Variants in ANKH observed in about 807,000 individuals in gnomAD.
ANKH encodes mineralization regulator ANKH.
A neutral mutation model predicts 49.0 loss-of-function variants in ANKH; 15 were observed. That is an observed-to-expected ratio of 0.31 (90% confidence interval 0.20 to 0.47). The LOEUF (loss-of-function observed/expected upper bound fraction) is 0.47. ANKH is among the 20% of genes least tolerant of loss of function. The probability of loss-of-function intolerance (pLI) is 1.00; values close to 1 mark genes in which losing one functional copy is unlikely to be tolerated. For missense variants in ANKH, 429 were observed against 652.0 expected (o/e 0.66, Z 3.72); for synonymous variants, 273 against 260.0 (o/e 1.05, Z -0.48).
rs7700624 is a variant in ANKH at position 14,831,313 on chromosome 5, T to C, written c.96+40039A>G. Among the ~76,000 whole-genome samples, 1,504 of 152,274 alleles carry C rather than the reference T, an allele frequency of 9.9e-3. 29 individuals carry two copies. The highest frequency in any genetic ancestry group is 0.035 in the African/African-American group (1,438 of 41,548). On this transcript the variant is annotated intron_variant, in intron 1 of 11. Transcript: ENST00000284268. ...ATGAATGTTTGTATGAGGAGCTACT[T>C]AGGTGAAAAACTGCCTAAAGATGCC...
At chr5:14,775,058 C>CA (rs1554004982) in intron 1 of ANKH, among the ~76,000 whole-genome samples, 1 of 151,020 alleles carries the variant, frequency 6.6e-6, no homozygotes, top group Admixed American at 6.6e-5. Context: ...CATAAGTCCC[C>CA]TTTTTTTTCT....
rs567453912 is a variant in ANKH at position 14,805,267 on chromosome 5, C to G, written c.97-36076G>C. ...GCCCTCGAACATCAGACTCCAAGTTCTTCAGTTTTGGGACTCGGACTGGCT... is the reference window on the plus strand; with the variant it reads ...GCCCTCGAACATCAGACTCCAAGTTGTTCAGTTTTGGGACTCGGACTGGCT... On this transcript the variant is annotated intron_variant, in intron 1 of 11. Transcript: ENST00000284268. 4.0e-5 allele frequency among the ~76,000 whole-genome samples: 6 copies of G among 151,826 alleles called. No homozygotes were observed. The Middle Eastern group carries it at 0.01, about 260-fold the overall frequency.
At chr5:14,758,397 G>C (rs1580045668) in intron 3 of ANKH, 83 bp downstream of exon 3, 1 of 1,079,224 alleles carries the variant, frequency 9.3e-7, no homozygotes, top group East Asian at 2.5e-5. Context: ...CACAAAAATA[G>C]CTAAAATGGT....
chr5:14,792,021 A>G (rs1740183745), intron 1 of ANKH, among the ~76,000 whole-genome samples: 1 of 152,178 alleles, frequency 6.6e-6, no homozygotes, highest in Admixed American at 6.5e-5. Flanking sequence ...CTCTGATTCG[A>G]TCAGCAAGAG....
At chr5:14,870,867 T>C (rs1735795524) in intron 1 of ANKH, 1 of 275,532 alleles carries the variant, frequency 3.6e-6, no homozygotes, top group Non-Finnish European at 7.2e-6. Context: ...TCAGGACACA[T>C]TCGGGATACC....
intron 8 of ANKH, among the ~76,000 whole-genome samples, chr5:14,733,955 C>A (rs909131877): frequency 3.3e-5 from 5 of 152,156 alleles, no homozygotes; most frequent in African/African-American, 1.2e-4. Flanking sequence ...CTAAGAAAAC[C>A]AATTTTTAAA....
At position 14,710,986 on chromosome 5, in the gene ANKH, A is replaced by G; in HGVS notation, c.*211T>C. ...TCAGTTGTTTCGTTTGTTTTTACAT[A>G]GCAACAGTAAAGACCATTCACTAGG... On this transcript the variant is annotated 3_prime_UTR_variant, in exon 12 of 12. Coordinates refer to ENST00000284268, the MANE Select transcript of ANKH (RefSeq NM_054027.6). 3.5e-6 allele frequency: 2 copies of G among 571,896 alleles called. No homozygotes were observed. The allele number at this position is 571,896 out of a possible 1,614,324, so 35.4% of individuals were successfully genotyped here. A position where few individuals can be genotyped will look rare whatever the true frequency, so the allele number is the denominator to read the frequency against.
At chr5:14,759,199 T>C (rs1013591384) in intron 2 of ANKH, among the ~76,000 whole-genome samples, 8 of 152,232 alleles carry the variant, frequency 5.3e-5, no homozygotes, top group African/African-American at 9.7e-5. Context: ...ACTTAGGGTA[T>C]AGTCCTGCAC....
At chr5:14,798,285 G>A (rs1740454121) in intron 1 of ANKH, 3 of 1,602,460 alleles carry the variant, frequency 1.9e-6, no homozygotes, top group South Asian at 1.1e-5. Flanking sequence ...CCACTCCAGA[G>A]CATGGGTCAT....
intron 1 of ANKH, among the ~76,000 whole-genome samples, chr5:14,866,934 A>G (rs1022246645): frequency 6.6e-5 from 10 of 152,250 alleles, no homozygotes; most frequent in African/African-American, 1.9e-4. Flanking sequence ...AGGTAGGTGG[A>G]TCACGTGAGC....
intron 1 of ANKH, among the ~76,000 whole-genome samples, chr5:14,820,798 A>C (rs1380702674): frequency 6.6e-6 from 1 of 152,232 alleles, no homozygotes; most frequent in Non-Finnish European, 1.5e-5. Flanking sequence ...CTACCATAAG[A>C]AAAATTTAAG....
chr5:14,797,746 C>G (rs765778710), intron 1 of ANKH: 34 of 1,610,506 alleles, frequency 2.1e-5, no homozygotes, highest in African/African-American at 1.1e-4. Context: ...ATGGTCTTCG[C>G]ATCTACCACT....
At chr5:14,724,463 T>A in intron 8 of ANKH, 1 of 779,572 alleles carries the variant, frequency 1.3e-6, no homozygotes, top group Non-Finnish European at 1.6e-6. Flanking sequence ...TGAAAAACTT[T>A]GACCACATAT....
chr5:14,730,125 C>T (rs1455729260), intron 8 of ANKH, among the ~76,000 whole-genome samples: 1 of 152,108 alleles, frequency 6.6e-6, no homozygotes, highest in Non-Finnish European at 1.5e-5. Context: ...CTGGGTTCTA[C>T]AGAAACAGCA....
At chr5:14,830,970 C>A (rs1453725396) in intron 1 of ANKH, among the ~76,000 whole-genome samples, 1 of 152,186 alleles carries the variant, frequency 6.6e-6, no homozygotes, top group Non-Finnish European at 1.5e-5. Flanking sequence ...CATGTGGAAT[C>A]CCTTCCTCAG....
intron 1 of ANKH, among the ~76,000 whole-genome samples, chr5:14,846,954 G>A (rs1741978510): frequency 7.0e-6 from 1 of 143,154 alleles, no homozygotes; most frequent in African/African-American, 2.6e-5. Context: ...GTTGCAGTGA[G>A]CCAAGATCAT....
At chr5:14,758,991 C>T (rs1213140914) in intron 2 of ANKH, among the ~76,000 whole-genome samples, 1 of 152,188 alleles carries the variant, frequency 6.6e-6, no homozygotes, top group African/African-American at 2.4e-5. Flanking sequence ...TATTGCTACA[C>T]AGTGAGGTGG....
intron 1 of ANKH, among the ~76,000 whole-genome samples, chr5:14,776,608 A>C (rs1424252126): frequency 1.3e-5 from 2 of 152,218 alleles, no homozygotes; most frequent in African/African-American, 4.8e-5. Context: ...AGGTAATGTC[A>C]GTCCCAAATA....
At chr5:14,855,252 G>A (rs772448135) in intron 1 of ANKH, among the ~76,000 whole-genome samples, 1 of 152,184 alleles carries the variant, frequency 6.6e-6, no homozygotes, top group Non-Finnish European at 1.5e-5. Context: ...CAAAGCCCCT[G>A]GTCTCTTCCT....
Sources: allele counts gnomAD v4.1 joint callset (sites outside exome capture counted in the v4.1 genomes callset), GRCh38; gene constraint gnomAD v4.1.1; transcripts MANE v1.5; gene names NCBI Gene and HGNC (gene_info 2026-07-23, HGNC 2026-07-21).